Variants in E2F6 observed in about 807,000 individuals in gnomAD.
E2F6 encodes E2F transcription factor 6.
E2F6 carries 19 observed loss-of-function variants against 31.5 expected under a neutral mutation model. The observed-to-expected ratio is 0.60, with a 90% CI of 0.42 to 0.89. The LOEUF is 0.89. Among genes scored for constraint, E2F6 ranks in the 40% least tolerant of loss-of-function variants. The pLI is 0.00. For missense variants in E2F6, 269 were observed against 341.6 expected (o/e 0.79, Z 1.67); for synonymous variants, 121 against 127.7 (o/e 0.95, Z 0.36).
chr2:11,450,378 C>A (rs1403127180), intron 4 of E2F6, among the ~76,000 whole-genome samples: 1 of 152,022 alleles, frequency 6.6e-6, no homozygotes. Context: ...TTAAGCTCTA[C>A]TATTATGATT....
intron 5 of E2F6, 143 bp from the exon 6 acceptor site, chr2:11,447,917 G>A (rs760977565): frequency 1.1e-6 from 1 of 894,772 alleles, no homozygotes; most frequent in Non-Finnish European, 1.7e-6. Context: ...TTCCCATGCT[G>A]AAGACAGCTA....
chr2:11,464,286 G>A (rs1288515404), intron 1 of E2F6, among the ~76,000 whole-genome samples: 1 of 151,886 alleles, frequency 6.6e-6, no homozygotes, highest in African/African-American at 2.4e-5. Flanking sequence ...AGGCTGAGGC[G>A]GGTGGATCAC....
intron 1 of E2F6, 76 bp downstream of exon 1, chr2:11,465,696 G>A: frequency 1.4e-6 from 2 of 1,470,638 alleles, no homozygotes; most frequent in African/African-American, 1.4e-5. Flanking sequence ...CGGCCAGCGG[G>A]GTTGGCGGCG....
At chr2:11,464,275 G>C (rs1671985283) in intron 1 of E2F6, among the ~76,000 whole-genome samples, 1 of 152,098 alleles carries the variant, frequency 6.6e-6, no homozygotes, top group African/African-American at 2.4e-5. Flanking sequence ...AGCACTTTGG[G>C]AGGCTGAGGC....
intron 1 of E2F6, among the ~76,000 whole-genome samples, chr2:11,464,665 T>TA (rs1440741523): frequency 6.6e-6 from 1 of 152,120 alleles, no homozygotes; most frequent in Non-Finnish European, 1.5e-5. Context: ...CATCTGGAGT[T>TA]AGACATTTGG....
chr2:11,451,645 G>C lies in E2F6; in HGVS notation c.536+6C>G. The C allele has an allele frequency of 6.2e-7, 1 of 1,609,374 alleles. No homozygotes were observed. The highest frequency in any genetic ancestry group is 8.5e-7 in the Non-Finnish European group (1 of 1,177,776). On this transcript the variant is annotated splice_donor_region_variant and intron_variant, in intron 4 of 6. Transcript: ENST00000381525. ...AATTTTAAAAAGGTATAGACTTAAAGGATATCTTTCATTTTCTTTGTCATC... is the reference window on the plus strand; with the variant it reads ...AATTTTAAAAAGGTATAGACTTAAACGATATCTTTCATTTTCTTTGTCATC...
chr2:11,465,714 G>T (rs866388186), intron 1 of E2F6, 58 bp downstream of exon 1: 24 of 1,528,988 alleles, frequency 1.6e-5, no homozygotes, highest in Middle Eastern at 3.4e-4. Context: ...GCGGCGCGGG[G>T]AGGAGGGGGC....
Position 11,446,377 on chromosome 2 carries a change from C to A in E2F6, c.*100G>T, listed in dbSNP as rs1670711529. The A allele has an allele frequency of 1.1e-6, 1 of 894,282 alleles. No individual in the cohort carries two copies. Among genetic ancestry groups the A allele is most frequent in the African/African-American group, 1.7e-5 (1 of 60,342 alleles). 55.4% of individuals were successfully genotyped at this position (894,282 alleles called of 1,614,324 possible). On this transcript the variant is annotated 3_prime_UTR_variant, in exon 7 of 7. Transcript: ENST00000381525. ...GATGCCGCTACTGAGAACGAGAGCA[C>A]TTCATGGATAATTTATTGCTCTGAG...
Position 11,465,749 on chromosome 2 carries a change from C to CCCCGT in E2F6, c.108+18_108+22dup, listed in dbSNP as rs780322304. On this transcript the variant is annotated intron_variant, in intron 1 of 6. Coordinates refer to ENST00000381525, the MANE Select transcript of E2F6 (RefSeq NM_198256.4). ...CCGGATTTGGGAGACCACCGCCCGT[C>CCCCGT]CCCGTCCCGTCCCGGAGCTTACCAG... 62 of 1,567,672 alleles carry CCCCGT rather than the reference C, an allele frequency of 4.0e-5. No homozygotes were observed. In the African/African-American group the frequency reaches 6.5e-4, roughly 16 times the overall value.
At chr2:11,465,178 C>CAAAAAAAAAAAAAAAAAAAA (rs59561027) in intron 1 of E2F6, among the ~76,000 whole-genome samples, 21 of 88,526 alleles carry the variant, frequency 2.4e-4, no homozygotes, top group South Asian at 4.3e-4. Context: ...AACTCAATCT[C>CAAAAAAAAAAAAAAAAAAAA]AAAAAAAAAA....
chr2:11,447,605 T>C (rs763177174), intron 6 of E2F6, 22 bp downstream of exon 6: 102 of 1,608,574 alleles, frequency 6.3e-5, no homozygotes, highest in Non-Finnish European at 8.1e-5. Flanking sequence ...TAAAATACTG[T>C]CAGAATCACT....
At chr2:11,454,733 C>T (rs555309365) in intron 2 of E2F6, among the ~76,000 whole-genome samples, 2 of 151,646 alleles carry the variant, frequency 1.3e-5, no homozygotes, top group African/African-American at 4.8e-5. Flanking sequence ...AATTCCCTCA[C>T]TCACCTACTA....
At chr2:11,455,598 AT>A in intron 2 of E2F6, 1 of 512,240 alleles carries the variant, frequency 2.0e-6, no homozygotes, top group Non-Finnish European at 3.3e-6. Context: ...AAAAGCATAT[AT>A]TTAATTATAC....
At position 11,446,439 on chromosome 2, in the gene E2F6, C is replaced by A. The variant is rs763086890; in HGVS notation, c.*38G>T. ...ATGCGTAATTCTCCACGAAGATATTCCCAAAAAACTCAGTGATACATAAAT... is the reference window on the plus strand; with the variant it reads ...ATGCGTAATTCTCCACGAAGATATTACCAAAAAACTCAGTGATACATAAAT... On this transcript the variant is annotated 3_prime_UTR_variant, in exon 7 of 7. Transcript: ENST00000381525. 1.4e-6 allele frequency: 2 copies of A among 1,475,308 alleles called. No homozygotes were observed. Among genetic ancestry groups the A allele is most frequent in the Non-Finnish European group, 1.9e-6 (2 of 1,056,872 alleles). The allele number at this position is 1,475,308 out of a possible 1,614,324, so 91.4% of individuals were successfully genotyped here.
At chr2:11,454,352 CTT>C (rs535824786) in intron 2 of E2F6, among the ~76,000 whole-genome samples, 23 of 140,424 alleles carry the variant, frequency 1.6e-4, no homozygotes, top group East Asian at 2.0e-4. Context: ...GTATCTCTCT[CTT>C]TTTTTTTTTT....
At chr2:11,454,196 C>T (rs146965222) in intron 2 of E2F6, among the ~76,000 whole-genome samples, 166 of 152,284 alleles carry the variant, frequency 1.1e-3, no homozygotes, top group African/African-American at 3.8e-3. Flanking sequence ...GAATTCTTTA[C>T]AAAGCAAAGG....
At chr2:11,459,847 G>A (rs976228504) in intron 1 of E2F6, among the ~76,000 whole-genome samples, 3 of 151,888 alleles carry the variant, frequency 2.0e-5, no homozygotes, top group Non-Finnish European at 4.4e-5. Context: ...TCGTGCCATT[G>A]CACTCCAGCC....
intron 3 of E2F6, among the ~76,000 whole-genome samples, chr2:11,453,381 C>T (rs1428468357): frequency 6.6e-6 from 1 of 152,148 alleles, no homozygotes; most frequent in African/African-American, 2.4e-5. Context: ...TATCAATAAT[C>T]AATTGGAACT....
chr2:11,451,415 A>G, intron 4 of E2F6: 1 of 248,098 alleles, frequency 4.0e-6, no homozygotes. Context: ...CAATGGCGCC[A>G]TCTCCGCTCA....
Sources: gnomAD v4.1 joint callset for allele counts (sites outside exome capture counted in the v4.1 genomes callset) on GRCh38, gnomAD v4.1.1 for gene constraint, MANE v1.5 for transcripts, NCBI Gene and HGNC (gene_info 2026-07-23, HGNC 2026-07-21) for gene names.